RBFOX1: variants seen among roughly 807,000 people sequenced by gnomAD.
RBFOX1 encodes the protein RNA binding fox-1 homolog 1, also known as RNA binding protein fox-1 homolog 1.
In RBFOX1, 8 loss-of-function variants were observed where a neutral mutation model predicts 57.7. The ratio of observed to expected loss-of-function variants is 0.14; its 90% CI spans 0.08 to 0.25. RBFOX1 has a LOEUF of 0.25. Among genes scored for constraint, RBFOX1 ranks in the 10% least tolerant of loss-of-function variants. RBFOX1 has a pLI of 1.00. For missense variants in RBFOX1, 611 were observed against 548.5 expected, an observed-to-expected ratio of 1.11 and a Z score of -1.14; for synonymous variants, 326 against 222.4, an observed-to-expected ratio of 1.47 and a Z score of -4.15.
chr16:5,592,812 C>A (rs1429568802), intron 2 of RBFOX1, among the ~76,000 whole-genome samples: 3 of 152,156 alleles, frequency 2.0e-5, no homozygotes, highest in African/African-American at 4.8e-5. Context: ...CTCTTGGCGT[C>A]CAGAATTCCC....
intron 1 of RBFOX1, among the ~76,000 whole-genome samples, chr16:5,378,291 A>G (rs1265493961): frequency 6.6e-6 from 1 of 151,476 alleles, no homozygotes; most frequent in African/African-American, 2.5e-5. Context: ...AAACAACCCA[A>G]AGGAATGTGT....
At chr16:7,046,003 T>C (rs2047806101) in intron 3 of RBFOX1, among the ~76,000 whole-genome samples, 1 of 152,202 alleles carries the variant, frequency 6.6e-6, no homozygotes, top group Non-Finnish European at 1.5e-5. Context: ...CTATCACTAT[T>C]ACTATACATT....
chr16:6,786,205 G>T (rs941784903), intron 3 of RBFOX1, among the ~76,000 whole-genome samples: 1 of 152,168 alleles, frequency 6.6e-6, no homozygotes, highest in Non-Finnish European at 1.5e-5. Context: ...ATTCCTTGGG[G>T]AGGGGTATGT....
At chr16:6,657,289 C>A (rs896416950) in intron 3 of RBFOX1, among the ~76,000 whole-genome samples, 4 of 151,978 alleles carry the variant, frequency 2.6e-5, no homozygotes, top group African/African-American at 7.3e-5. Flanking sequence ...GCTATAGTTT[C>A]TCTGTTTCTA....
intron 3 of RBFOX1, among the ~76,000 whole-genome samples, chr16:7,000,698 G>A (rs566510731): frequency 2.9e-5 from 4 of 136,564 alleles, no homozygotes; most frequent in Admixed American, 1.7e-4. Flanking sequence ...TCTGCCTACC[G>A]GGTTCATGCC....
chr16:6,734,494 G>A (rs1257498863), intron 3 of RBFOX1, among the ~76,000 whole-genome samples: 2 of 152,164 alleles, frequency 1.3e-5, no homozygotes, highest in Admixed American at 6.5e-5. Flanking sequence ...GAGGACATGG[G>A]TCCAGGAAGT....
At chr16:7,077,636 A>C (rs2153790609) in intron 4 of RBFOX1, among the ~76,000 whole-genome samples, 1 of 152,286 alleles carries the variant, frequency 6.6e-6, no homozygotes, top group South Asian at 2.1e-4. Flanking sequence ...TATAATTTGT[A>C]CCGTATTAGT....
chr16:7,466,815 GT>G (rs2060605864), intron 4 of RBFOX1, among the ~76,000 whole-genome samples: 1 of 152,188 alleles, frequency 6.6e-6, no homozygotes, highest in Non-Finnish European at 1.5e-5. Context: ...ACAATGCTAG[GT>G]TGGGGACACC....
chr16:5,474,050 A>C (rs2069232905), intron 2 of RBFOX1, among the ~76,000 whole-genome samples: 1 of 152,090 alleles, frequency 6.6e-6, no homozygotes, highest in African/African-American at 2.4e-5. Flanking sequence ...GGAAGGAAGG[A>C]AGGATGAATG....
intron 3 of RBFOX1, among the ~76,000 whole-genome samples, chr16:5,741,987 C>T (rs1402866053): frequency 1.3e-5 from 2 of 152,174 alleles, no homozygotes; most frequent in Admixed American, 1.3e-4. Context: ...CCTCTCTTCT[C>T]AGTCTTTTGG....
intron 1 of RBFOX1, among the ~76,000 whole-genome samples, chr16:6,179,226 T>C (rs766414975): frequency 1.3e-5 from 2 of 152,158 alleles, no homozygotes; most frequent in Non-Finnish European, 1.5e-5. Context: ...TCCCTTTAAC[T>C]ATCCAACGCC....
At chr16:7,586,684 G>C (rs940759053) in intron 6 of RBFOX1, among the ~76,000 whole-genome samples, 2 of 152,188 alleles carry the variant, frequency 1.3e-5, no homozygotes, top group African/African-American at 4.8e-5. Flanking sequence ...GAATTATCTT[G>C]AGAGAATTTC....
intron 4 of RBFOX1, among the ~76,000 whole-genome samples, chr16:7,072,227 G>T (rs116426592): frequency 2.6e-5 from 4 of 152,120 alleles, no homozygotes; most frequent in African/African-American, 9.7e-5. Flanking sequence ...TATGATCACT[G>T]AACCTTCTAT....
chr16:6,247,592 T>C (rs1243944212), intron 1 of RBFOX1, among the ~76,000 whole-genome samples: 1 of 152,212 alleles, frequency 6.6e-6, no homozygotes, highest in East Asian at 1.9e-4. Flanking sequence ...AGAATTACTT[T>C]ATTTTATCTG....
chr16:7,446,483 G>A (rs1394322672), intron 4 of RBFOX1, among the ~76,000 whole-genome samples: 4 of 152,168 alleles, frequency 2.6e-5, no homozygotes, highest in Non-Finnish European at 5.9e-5. Flanking sequence ...GCCTGCCGCT[G>A]AGCTATGTTT....
At chr16:6,522,940 C>A (rs2096528568) in intron 2 of RBFOX1, among the ~76,000 whole-genome samples, 2 of 152,116 alleles carry the variant, frequency 1.3e-5, no homozygotes, top group Admixed American at 1.3e-4. Flanking sequence ...TTACTCCTGG[C>A]TTTGGGATGT....
At chr16:6,895,440 G>A (rs374027625) in intron 3 of RBFOX1, among the ~76,000 whole-genome samples, 19,054 of 87,084 alleles carry the variant, frequency 0.22, 2,222 homozygotes, top group Admixed American at 0.35. Context: ...GTGTGTGTGT[G>A]TGTGTGTGTA....
At chr16:6,592,678 G>T (rs2097728150) in intron 2 of RBFOX1, among the ~76,000 whole-genome samples, 2 of 152,180 alleles carry the variant, frequency 1.3e-5, no homozygotes, top group African/African-American at 4.8e-5. Flanking sequence ...TAGTTTTGAA[G>T]CTCATAGTCC....
rs1198863468 is a variant in RBFOX1, at chr16:6,019,079, A to G, written c.-1040A>G. 3.0e-6 allele frequency: 3 copies of G among 983,866 alleles called. No individual in the cohort carries two copies. Among genetic ancestry groups the G allele is most frequent in the African/African-American group, 3.5e-5 (2 of 56,904 alleles). 60.9% of individuals were successfully genotyped at this position (983,866 alleles called of 1,614,324 possible). ...CTCGCTGCTTGTCGCGCGCTCACAC[A>G]CACACAGACACACACGCACACACAC... On this transcript the variant is annotated 5_prime_UTR_variant, in exon 1 of 16. Transcript: ENST00000550418. The surrounding 1 kb of genome is among the most constrained non-coding windows in gnomAD (Gnocchi z 4.2).
Sources: allele counts gnomAD v4.1 joint callset (sites outside exome capture counted in the v4.1 genomes callset), GRCh38; gene constraint gnomAD v4.1.1; non-coding constraint Gnocchi (gnomAD v3.1); transcripts MANE v1.5; gene names NCBI Gene and HGNC (gene_info 2026-07-23, HGNC 2026-07-21).